The following GPR143 variants were observed in gnomAD, a reference collection of about 807,000 sequenced individuals.
GPR143 encodes the protein G protein-coupled receptor 143, also known as G-protein coupled receptor 143.
In GPR143, 8 loss-of-function variants were observed where a neutral mutation model predicts 27.6. The ratio of observed to expected loss-of-function variants is 0.29; its 90% confidence interval spans 0.17 to 0.52. The LOEUF is 0.52. GPR143 is among the 20% of genes least tolerant of loss of function. The probability of loss-of-function intolerance (pLI) is 0.96; values close to 1 mark genes in which losing one functional copy is unlikely to be tolerated. For missense variants in GPR143, 303 were observed against 343.1 expected, an observed-to-expected ratio of 0.88 and a Z score of 0.92; for synonymous variants, 156 against 153.2, an observed-to-expected ratio of 1.02 and a Z score of -0.13.
rs369582310 is a variant in GPR143 at position 9,748,639 on chromosome X, C to T, written c.483G>A (p.Ala161=). Reference sequence around the variant, plus strand: ...CACAGAGCAGGGTGGCCAGGCCCCACGCCATGATGTGATACAGCAGGATGG... The same window carrying T: ...CACAGAGCAGGGTGGCCAGGCCCCATGCCATGATGTGATACAGCAGGATGG... ...LSTILLYHIM[A]WGLATLLCVE... The change falls in exon 4 of 9, where the codon GCG becomes GCA. Residue 161 remains alanine, a synonymous_variant. Transcript: ENST00000467482. The T allele has an allele frequency of 3.2e-5, 38 of 1,205,278 alleles. No homozygotes were observed. The highest frequency in any genetic ancestry group is 3.5e-5 in the Non-Finnish European group (31 of 889,612).
chrX:9,775,775 A>G (rs962027156), intron 1 of GPR143, among the ~76,000 whole-genome samples: 6 of 112,362 alleles, frequency 5.3e-5, no homozygotes, highest in Non-Finnish European at 1.1e-4. Context: ...AGGCAGTTGC[A>G]GGTGGCCGAA....
At position 9,743,679 on chromosome X, in the gene GPR143, A is replaced by G. The variant is rs769008257; in HGVS notation, c.659-6T>C. 4.1e-6 allele frequency: 4 copies of G among 968,033 alleles called. No homozygotes were observed. The Admixed American group carries it at 6.5e-5, about 16-fold the overall frequency. The allele number at this position is 968,033 out of a possible 1,213,427, so 79.8% of individuals were successfully genotyped here. On this transcript the variant is annotated splice_region_variant and splice_polypyrimidine_tract_variant and intron_variant, in intron 5 of 8. Transcript: ENST00000467482. ...TCCTTTAAGTAAAGAGGCCACTGTG[A>G]AGAACAGAAGGAACTATGTATGGTG...
upstream of GPR143, among the ~76,000 whole-genome samples, chrX:9,766,903 T>TCA (rs58553907): frequency 0.052 from 4,527 of 86,788 alleles, 97 homozygotes; most frequent in South Asian, 0.065. Context: ...TCTCTCTCTC[T>TCA]CACACACACA....
At chrX:9,769,919 G>A (rs1364415802), upstream of GPR143, among the ~76,000 whole-genome samples, 1 of 111,062 alleles carries the variant, frequency 9.0e-6, no homozygotes, top group African/African-American at 3.3e-5. Context: ...AATTTATGGA[G>A]TGTAGGCAGG....
At chrX:9,765,258 C>CCGGG (rs771498174) in intron 1 of GPR143, among the ~76,000 whole-genome samples, 1 of 110,523 alleles carries the variant, frequency 9.0e-6, no homozygotes, top group East Asian at 2.9e-4. Context: ...GCACTCTCAC[C>CCGGG]CGGGGATTGA....
At chrX:9,773,424 C>T (rs1432930750) in intron 1 of GPR143, among the ~76,000 whole-genome samples, 2 of 110,238 alleles carry the variant, frequency 1.8e-5, no homozygotes, top group African/African-American at 3.3e-5. Flanking sequence ...CGCTCAAGGC[C>T]CATTAAAAGC....
upstream of GPR143, among the ~76,000 whole-genome samples, chrX:9,768,412 CATT>C (rs915156726): frequency 9.0e-6 from 1 of 111,545 alleles, no homozygotes; most frequent in Non-Finnish European, 1.9e-5. Context: ...GTTTGCAGCT[CATT>C]GTTGTTAAAT....
At chrX:9,764,642 A>G (rs1024362197) in intron 1 of GPR143, among the ~76,000 whole-genome samples, 7 of 111,428 alleles carry the variant, frequency 6.3e-5, no homozygotes, top group Non-Finnish European at 1.3e-4. Flanking sequence ...TAACTGCGCC[A>G]TCTGAAGTTT....
chrX:9,756,000 G>A (rs754496391), intron 3 of GPR143, among the ~76,000 whole-genome samples: 1 of 111,572 alleles, frequency 9.0e-6, no homozygotes, highest in East Asian at 2.8e-4. Flanking sequence ...GAAGGAACAA[G>A]CATAAAAATG....
At chrX:9,769,184 C>T (rs900216353), upstream of GPR143, among the ~76,000 whole-genome samples, 5 of 111,648 alleles carry the variant, frequency 4.5e-5, no homozygotes, top group Non-Finnish European at 7.5e-5. Flanking sequence ...TTTGCATGAA[C>T]CCTTCCTCCG....
At position 9,748,569 on chromosome X, in the gene GPR143, C is replaced by G. The variant is rs757929622; in HGVS notation, c.548+5G>C. The G allele has an allele frequency of 8.5e-7, 1 of 1,181,820 alleles. No homozygotes were observed. The highest frequency in any genetic ancestry group is 1.2e-6 in the Non-Finnish European group (1 of 867,952). On this transcript the variant is annotated splice_donor_5th_base_variant and intron_variant, in intron 4 of 8. Transcript: ENST00000467482. Reference sequence around the variant, plus strand: ...GCTGCCTGGGGCGCTGGAGTCCCAACTTACCTGGACACGGAAGGGTAGTAG... The same window carrying G: ...GCTGCCTGGGGCGCTGGAGTCCCAAGTTACCTGGACACGGAAGGGTAGTAG...
At chrX:9,732,353 AC>A (rs1323837881) in intron 8 of GPR143, among the ~76,000 whole-genome samples, 45 of 111,576 alleles carry the variant, frequency 4.0e-4, no homozygotes, top group African/African-American at 1.5e-3. Flanking sequence ...GGAAAGACAG[AC>A]CGGTAAGAAA....
chrX:9,730,410 C>T (rs779101947), intron 8 of GPR143, among the ~76,000 whole-genome samples: 1 of 103,922 alleles, frequency 9.6e-6, no homozygotes, highest in South Asian at 4.0e-4. Flanking sequence ...ATTTTCTCTT[C>T]CACACCCTCA....
chrX:9,771,328 C>G (rs962914013), intron 1 of GPR143, among the ~76,000 whole-genome samples: 1 of 111,023 alleles, frequency 9.0e-6, no homozygotes, highest in African/African-American at 3.3e-5. Flanking sequence ...CCCAGAGTGC[C>G]GAAATTACAG....
At chrX:9,735,339 A>T (rs1162000392) in intron 8 of GPR143, among the ~76,000 whole-genome samples, 9 of 110,953 alleles carry the variant, frequency 8.1e-5, no homozygotes, top group African/African-American at 2.9e-4. Context: ...ACGCCTCCAT[A>T]CCACGCTGAG....
In GPR143 at chrX:9,725,486, A is replaced by T. The variant is rs1326824904; in HGVS notation, c.*260T>A. The T allele has an allele frequency of 1.5e-5, 5 of 331,129 alleles. No individual in the cohort carries two copies. Among genetic ancestry groups the T allele is most frequent in the African/African-American group, 1.3e-4 (5 of 38,311 alleles). 27.3% of individuals were successfully genotyped at this position (331,129 alleles called of 1,213,427 possible). On this transcript the variant is annotated 3_prime_UTR_variant, in exon 9 of 9. Transcript: ENST00000467482. ...ACACTTACTTTACAGCCAGCCTCAG[A>T]AAACTTCCTAGTGGCAACTAAGGCT... is the stretch of plus-strand genomic sequence containing the variant.
chrX:9,731,304 G>C (rs771447326), intron 8 of GPR143, among the ~76,000 whole-genome samples: 184 of 111,119 alleles, frequency 1.7e-3, no homozygotes, highest in African/African-American at 5.8e-3. Context: ...AGGAGGCAGA[G>C]GTTGCAGTGA....
At chrX:9,752,751 C>T (rs1329325530) in intron 3 of GPR143, among the ~76,000 whole-genome samples, 1 of 111,485 alleles carries the variant, frequency 9.0e-6, no homozygotes, top group Non-Finnish European at 1.9e-5. Flanking sequence ...GAGGCTGAGG[C>T]GGGAGGATTG....
At chrX:9,734,906 C>T (rs2083372335) in intron 8 of GPR143, among the ~76,000 whole-genome samples, 1 of 111,976 alleles carries the variant, frequency 8.9e-6, no homozygotes, top group South Asian at 3.7e-4. Context: ...TGAGAGCCAG[C>T]GCAGGCCCGG....
Sources: allele counts gnomAD v4.1 joint callset (sites outside exome capture counted in the v4.1 genomes callset), GRCh38; gene constraint gnomAD v4.1.1; transcripts MANE v1.5; gene names NCBI Gene and HGNC (gene_info 2026-07-23, HGNC 2026-07-21).